ANAPC5: variants seen among roughly 807,000 people sequenced by gnomAD.
ANAPC5 encodes anaphase-promoting complex subunit 5.
Under a neutral mutation model 91.3 loss-of-function variants are expected in ANAPC5, and 60 were observed. That is an observed-to-expected ratio of 0.66 (90% confidence interval 0.53 to 0.81). ANAPC5 has a LOEUF of 0.81. Among genes scored for constraint, ANAPC5 ranks in the 40% least tolerant of loss-of-function variants. ANAPC5 has a pLI of 0.00. For synonymous variants in ANAPC5, 340 were observed against 364.1 expected (o/e 0.93, Z 0.75); for missense variants, 690 against 931.5 (o/e 0.74, Z 3.37).
chr12:121,327,431 C>T (rs1020622091), intron 10 of ANAPC5, 200 bp from the exon 11 acceptor site: 13 of 594,844 alleles, frequency 2.2e-5, no homozygotes, highest in African/African-American at 1.7e-4. Context: ...ATGTGCAGCG[C>T]GAGGAGACAC....
intron 1 of ANAPC5, among the ~76,000 whole-genome samples, chr12:121,348,243 A>G (rs1272222249): frequency 2.0e-5 from 3 of 152,248 alleles, no homozygotes; most frequent in Non-Finnish European, 4.4e-5. Context: ...ATTAAATAAG[A>G]TAATACAAAG....
At chr12:121,329,673 T>C (rs1566187696) in intron 9 of ANAPC5, among the ~76,000 whole-genome samples, 1 of 150,800 alleles carries the variant, frequency 6.6e-6, no homozygotes, top group South Asian at 2.1e-4. Context: ...TGGAGTGCAA[T>C]GGCACAATCT....
intron 15 of ANAPC5, among the ~76,000 whole-genome samples, chr12:121,316,626 G>A (rs1902374621): frequency 1.3e-5 from 2 of 151,118 alleles, no homozygotes; most frequent in African/African-American, 4.9e-5. Flanking sequence ...CCACCTACTC[G>A]GAAGGCTGAG....
At chr12:121,316,747 A>T (rs1166018525) in intron 15 of ANAPC5, among the ~76,000 whole-genome samples, 1 of 151,000 alleles carries the variant, frequency 6.6e-6, no homozygotes, top group Non-Finnish European at 1.5e-5. Flanking sequence ...AAAAAAAAAA[A>T]AAAAAAAAAA....
chr12:121,337,453 T>C (rs1455692500), intron 5 of ANAPC5, 61 bp from the exon 6 acceptor site: 5 of 1,230,402 alleles, frequency 4.1e-6, no homozygotes, highest in Admixed American at 3.6e-5. Flanking sequence ...TGAAAAGATA[T>C]ACTAACTAGC....
intron 2 of ANAPC5, chr12:121,347,259 G>A: frequency 2.2e-6 from 1 of 445,400 alleles, no homozygotes; most frequent in East Asian, 4.3e-5. Flanking sequence ...TATCTGCAAT[G>A]ACTAAAAAGA....
In ANAPC5 at chr12:121,350,851, GC is replaced by G. The variant is rs1396047284; in HGVS notation, c.207+1282del. On this transcript the variant is annotated intron_variant, in intron 1 of 16. Coordinates refer to ENST00000261819, the MANE Select transcript of ANAPC5 (RefSeq NM_016237.5). Reference sequence around the variant, plus strand: ...AGGTTACCGTCTAATGGGAGAGAAGGCCATCACTCACGTAACCATGAATATA... The same window carrying G: ...AGGTTACCGTCTAATGGGAGAGAAGGCATCACTCACGTAACCATGAATATA... 2.6e-5 allele frequency among the ~76,000 whole-genome samples: 4 copies of G among 152,212 alleles called. 1 individual carries two copies. Among genetic ancestry groups the G allele is most frequent in the African/African-American group, 9.6e-5 (4 of 41,530 alleles).
At chr12:121,310,933 C>CAA (rs35742192) in intron 15 of ANAPC5, among the ~76,000 whole-genome samples, 19,643 of 60,846 alleles carry the variant, frequency 0.32, 4,087 homozygotes, top group African/African-American at 0.61. Context: ...GACTCCATCT[C>CAA]AAAAAAAAAA....
chr12:121,352,546 C>A (rs1257602421), upstream of ANAPC5: 2 of 531,060 alleles, frequency 3.8e-6, no homozygotes, highest in East Asian at 3.0e-5. Context: ...TACAAGAGTG[C>A]GGGGAGGGGT....
intron 1 of ANAPC5, among the ~76,000 whole-genome samples, chr12:121,350,156 A>G (rs915019395): frequency 1.3e-5 from 2 of 152,138 alleles, no homozygotes; most frequent in Non-Finnish European, 2.9e-5. Context: ...TGGTGTCCTC[A>G]GTTCTCCCCT....
rs377350103 is a variant in ANAPC5 at position 121,323,217 on chromosome 12, T to C, written c.1441-2758A>G. Among the ~76,000 whole-genome samples the C allele has an allele frequency of 4.3e-4, 66 of 152,344 alleles. No individual in the cohort carries two copies. In the South Asian group the frequency reaches 7.5e-3, roughly 17 times the overall value. On this transcript the variant is annotated intron_variant, in intron 11 of 16. Coordinates refer to ENST00000261819, the MANE Select transcript of ANAPC5 (RefSeq NM_016237.5). The stretch of plus-strand genomic sequence containing the variant: ...TAATTGGTGAAAGTAGTACCTTAAC[T>C]GCTTTAAATTTAATTTCAATGACTA...
chr12:121,343,716 A>G lies in ANAPC5; in HGVS notation c.591-1647T>C, dbSNP rs143544201. On this transcript the variant is annotated intron_variant, in intron 4 of 16. Coordinates refer to ENST00000261819, the MANE Select transcript of ANAPC5 (RefSeq NM_016237.5). ...AGTGCGATAAGCATTCCCCATTTAT[A>G]AACAATGTCACCCCCTGCCACCCTG... 2.3e-3 allele frequency among the ~76,000 whole-genome samples: 353 copies of G among 152,340 alleles called. 2 individuals are homozygous for G. The highest frequency in any genetic ancestry group is 0.01 in the Middle Eastern group (3 of 294).
In ANAPC5 at chr12:121,342,357, T is replaced by G. The variant is rs1903492433; in HGVS notation, c.591-288A>C. On this transcript the variant is annotated intron_variant, in intron 4 of 16. Coordinates refer to ENST00000261819, the MANE Select transcript of ANAPC5 (RefSeq NM_016237.5). This position sits in a 1 kb window ranked among gnomAD's most constrained non-coding sequence, Gnocchi z 4.1. Reference sequence around the variant, plus strand: ...ATGCTGGGAAAACTGCACATCCACATGCAAAAGCATGAAGGTGGATCCTTA... The same window carrying G: ...ATGCTGGGAAAACTGCACATCCACAGGCAAAAGCATGAAGGTGGATCCTTA... 6.6e-6 allele frequency among the ~76,000 whole-genome samples: 1 copy of G among 152,102 alleles called. No individual in the cohort carries two copies. The highest frequency in any genetic ancestry group is 1.5e-5 in the Non-Finnish European group (1 of 68,020).
At chr12:121,341,337 G>A (rs544003379) in intron 5 of ANAPC5, among the ~76,000 whole-genome samples, 1 of 152,168 alleles carries the variant, frequency 6.6e-6, no homozygotes, top group East Asian at 1.9e-4. Context: ...AAGTGTGGTG[G>A]TGCACGCCTG....
At chr12:121,321,968 C>T (rs1220843742) in intron 11 of ANAPC5, among the ~76,000 whole-genome samples, 1 of 151,416 alleles carries the variant, frequency 6.6e-6, no homozygotes, top group South Asian at 2.1e-4. Context: ...CGCGTTCAAG[C>T]GATTCTCCTG....
At chr12:121,315,677 A>G (rs1487594054) in intron 15 of ANAPC5, among the ~76,000 whole-genome samples, 1 of 152,206 alleles carries the variant, frequency 6.6e-6, no homozygotes, top group Non-Finnish European at 1.5e-5. Context: ...GGTTTTTAAC[A>G]GGGGTACCAA....
intron 15 of ANAPC5, among the ~76,000 whole-genome samples, chr12:121,316,693 A>C (rs1430397251): frequency 7.2e-6 from 1 of 138,492 alleles, no homozygotes; most frequent in Non-Finnish European, 1.5e-5. Flanking sequence ...AGATTGCACC[A>C]CTGCACTCCA....
intron 11 of ANAPC5, chr12:121,320,696 G>A (rs1020286327): frequency 8.3e-5 from 26 of 312,594 alleles, no homozygotes; most frequent in South Asian, 1.5e-4. Context: ...TCCGCTTCCC[G>A]GGTTCACGCC....
In ANAPC5 at chr12:121,318,695, TC is replaced by T. The variant is rs1424137758; in HGVS notation, c.1638-88del. ...AATTTATTCAATTGCGCTATAAACC[TC>T]CCAAGGGAAAAAACTGTGCCTGATT... On this transcript the variant is annotated intron_variant, in intron 13 of 16. Coordinates refer to ENST00000261819, the MANE Select transcript of ANAPC5 (RefSeq NM_016237.5). 6 of 1,193,786 alleles carry T rather than the reference TC, an allele frequency of 5.0e-6. No individual in the cohort carries two copies. In the Admixed American group the frequency reaches 5.9e-5, roughly 12 times the overall value. 73.9% of individuals were successfully genotyped at this position (1,193,786 alleles called of 1,614,324 possible). A position where few individuals can be genotyped will look rare whatever the true frequency, so the allele number is the denominator to read the frequency against.
Sources: gnomAD v4.1 joint callset for allele counts (sites outside exome capture counted in the v4.1 genomes callset) on GRCh38, gnomAD v4.1.1 for gene constraint, Gnocchi (gnomAD v3.1) non-coding constraint, MANE v1.5 for transcripts, NCBI Gene and HGNC (gene_info 2026-07-23, HGNC 2026-07-21) for gene names.